The following MYRIP variants were observed in gnomAD, a reference collection of about 807,000 sequenced individuals.
The protein encoded by MYRIP is rab effector MyRIP.
A neutral mutation model predicts 98.0 loss-of-function variants in MYRIP; 49 were observed. That is an observed-to-expected ratio of 0.50 (90% CI 0.40 to 0.63). The LOEUF (loss-of-function observed/expected upper bound fraction) is 0.63, where lower values mean the gene tolerates loss of function less well. MYRIP is among the 30% of genes least tolerant of loss of function. The probability of loss-of-function intolerance (pLI) is 0.00; values close to 1 mark genes in which losing one functional copy is unlikely to be tolerated. For synonymous variants in MYRIP, 404 were observed against 409.5 expected, an observed-to-expected ratio of 0.99 and a Z score of 0.16; for missense variants, 1,004 against 1,058.2, an observed-to-expected ratio of 0.95 and a Z score of 0.71.
rs1005001429 is a variant in MYRIP, at chr3:39,885,347, A to C, written c.-30-15440A>C. ...GCCCCCACTCTCTTCTGGCTTGTAGAGTTTCTGCCGAGAGATCCGCTGTTA... is the reference window on the plus strand; with the variant it reads ...GCCCCCACTCTCTTCTGGCTTGTAGCGTTTCTGCCGAGAGATCCGCTGTTA... On this transcript the variant is annotated intron_variant, in intron 1 of 16. Coordinates refer to ENST00000302541, the MANE Select transcript of MYRIP (RefSeq NM_015460.4). Among the ~76,000 whole-genome samples the C allele has an allele frequency of 2.6e-5, 4 of 152,074 alleles. No homozygotes were observed. In the South Asian group the frequency reaches 8.3e-4, roughly 32 times the overall value.
intron 11 of MYRIP, among the ~76,000 whole-genome samples, chr3:40,222,294 G>T (rs1364619891): frequency 2.0e-5 from 3 of 152,176 alleles, no homozygotes; most frequent in African/African-American, 7.2e-5. Flanking sequence ...GTGGCAACTT[G>T]TCAGATTGTT....
intron 3 of MYRIP, among the ~76,000 whole-genome samples, chr3:40,149,912 T>G (rs1040701664): frequency 6.6e-6 from 1 of 152,226 alleles, no homozygotes; most frequent in African/African-American, 2.4e-5. Flanking sequence ...GGATTGTTCT[T>G]CCATTGAATT....
intron 3 of MYRIP, among the ~76,000 whole-genome samples, chr3:40,137,295 A>G (rs946207932): frequency 1.7e-4 from 26 of 152,242 alleles, no homozygotes; most frequent in African/African-American, 6.3e-4. Context: ...AGAAATGGAT[A>G]AATTCCTCGA....
chr3:39,932,286 A>G (rs1326933600), intron 2 of MYRIP, among the ~76,000 whole-genome samples: 2 of 152,202 alleles, frequency 1.3e-5, no homozygotes, highest in African/African-American at 2.4e-5. Flanking sequence ...GCGACATCAT[A>G]GAAAAGAACA....
At chr3:40,042,942 T>G (rs1262969356) in intron 2 of MYRIP, among the ~76,000 whole-genome samples, 1 of 152,206 alleles carries the variant, frequency 6.6e-6, no homozygotes, top group Non-Finnish European at 1.5e-5. Flanking sequence ...TAGTAAAACA[T>G]AGTCCACCAT....
At chr3:39,895,183 ATT>A (rs369169565) in intron 1 of MYRIP, among the ~76,000 whole-genome samples, 1 of 139,968 alleles carries the variant, frequency 7.1e-6, no homozygotes, top group South Asian at 2.3e-4. Context: ...TTTTGCTTGC[ATT>A]TTTTTTTTCT....
At chr3:40,169,816 GA>G (rs1392801658) in intron 7 of MYRIP, 133 bp from the exon 8 acceptor site, 2 of 1,005,956 alleles carry the variant, frequency 2.0e-6, no homozygotes, top group Non-Finnish European at 3.0e-6. Context: ...GCGCAGATCT[GA>G]AACAGCCTGG....
Position 39,917,611 on chromosome 3 carries a change from G to T in MYRIP, c.110+16685G>T, listed in dbSNP as rs1944193694. ...TTAACTCTCTCATTGTTCTCATTCTGTAAATGACTAAGAGAGATCAGAGAC... is the reference window on the plus strand; with the variant it reads ...TTAACTCTCTCATTGTTCTCATTCTTTAAATGACTAAGAGAGATCAGAGAC... On this transcript the variant is annotated intron_variant, in intron 2 of 16. Coordinates refer to ENST00000302541, the MANE Select transcript of MYRIP (RefSeq NM_015460.4). 2.0e-5 allele frequency among the ~76,000 whole-genome samples: 3 copies of T among 151,632 alleles called. No individual in the cohort carries two copies. In the South Asian group the frequency reaches 6.3e-4, roughly 32 times the overall value.
At chr3:40,071,314 C>A in intron 3 of MYRIP, 1 of 538,154 alleles carries the variant, frequency 1.9e-6, no homozygotes, top group Non-Finnish European at 2.4e-6. Context: ...ATGGGGTGCA[C>A]TGGTTGGTGG....
At chr3:40,073,741 C>T (rs1948279825) in intron 3 of MYRIP, among the ~76,000 whole-genome samples, 1 of 152,220 alleles carries the variant, frequency 6.6e-6, no homozygotes, top group Non-Finnish European at 1.5e-5. Context: ...CAGAACATTC[C>T]TTTCTGCATA....
chr3:40,108,403 A>G (rs1297877359), intron 3 of MYRIP, among the ~76,000 whole-genome samples: 2 of 152,216 alleles, frequency 1.3e-5, no homozygotes, highest in Admixed American at 1.3e-4. Context: ...CTGACACCAC[A>G]GGCATGACCC....
At chr3:39,966,012 G>A (rs1945432201) in intron 2 of MYRIP, among the ~76,000 whole-genome samples, 2 of 152,154 alleles carry the variant, frequency 1.3e-5, no homozygotes, top group South Asian at 4.1e-4. Context: ...GGCCAGGAAA[G>A]GCCATTAGCA....
Position 39,814,262 on chromosome 3 carries a change from C to T in MYRIP, c.-31+4346C>T, listed in dbSNP as rs1357538696. ...GTTCCTTGTATTCCCATATCTTTGG[C>T]TGTGACTGGTATTAATCAGATGTTT... On this transcript the variant is annotated intron_variant, in intron 1 of 16. Coordinates refer to ENST00000302541, the MANE Select transcript of MYRIP (RefSeq NM_015460.4). 3.3e-5 allele frequency among the ~76,000 whole-genome samples: 5 copies of T among 152,170 alleles called. No individual in the cohort carries two copies. The East Asian group carries it at 9.6e-4, about 29-fold the overall frequency.
At chr3:40,135,142 T>A (rs1263938554) in intron 3 of MYRIP, among the ~76,000 whole-genome samples, 4 of 151,882 alleles carry the variant, frequency 2.6e-5, no homozygotes, top group East Asian at 1.9e-4. Flanking sequence ...TGAAAAAAAA[T>A]TAGATGAATA....
intron 4 of MYRIP, among the ~76,000 whole-genome samples, chr3:40,160,209 AACAG>A (rs2125587101): frequency 6.6e-6 from 1 of 152,268 alleles, no homozygotes. Context: ...TTTTCCTTCT[AACAG>A]ACAGGACCCT....
At chr3:40,191,906 C>G (rs769591604) in intron 10 of MYRIP, among the ~76,000 whole-genome samples, 1 of 152,116 alleles carries the variant, frequency 6.6e-6, no homozygotes, top group African/African-American at 2.4e-5. Flanking sequence ...TAAAATGTCA[C>G]GTCTCCACCT....
At chr3:40,196,588 G>C (rs1951400585) in intron 10 of MYRIP, among the ~76,000 whole-genome samples, 1 of 152,120 alleles carries the variant, frequency 6.6e-6, no homozygotes, top group Admixed American at 6.6e-5. Context: ...TGCTAATGTT[G>C]GGAATTTGTT....
chr3:39,846,789 A>G (rs1440187519), intron 1 of MYRIP, among the ~76,000 whole-genome samples: 2 of 152,170 alleles, frequency 1.3e-5, no homozygotes, highest in African/African-American at 4.8e-5. Flanking sequence ...CTTGGATCCC[A>G]TGATTATTGA....
At chr3:39,893,210 G>T (rs1943529000) in intron 1 of MYRIP, among the ~76,000 whole-genome samples, 1 of 152,064 alleles carries the variant, frequency 6.6e-6, no homozygotes, top group African/African-American at 2.4e-5. Flanking sequence ...ACCCACCTTT[G>T]CATTAATTAC....
Sources: allele counts gnomAD v4.1 joint callset (sites outside exome capture counted in the v4.1 genomes callset), GRCh38; gene constraint gnomAD v4.1.1; transcripts MANE v1.5; gene names NCBI Gene and HGNC (gene_info 2026-07-23, HGNC 2026-07-21).